ARB2A: variants seen among roughly 807,000 people sequenced by gnomAD.
ARB2A encodes cotranscriptional regulator ARB2A.
chr5:94,036,050 T>A, the ARB2A span, among the ~76,000 whole-genome samples: 1 of 152,172 alleles, frequency 6.6e-6, no homozygotes, highest in Non-Finnish European at 1.5e-5. Context: ...TAGTTAATTT[T>A]AACATTTCAC....
At chr5:94,073,968 A>G in the ARB2A span, among the ~76,000 whole-genome samples, 4 of 152,070 alleles carry the variant, frequency 2.6e-5, no homozygotes, top group African/African-American at 9.7e-5. Context: ...AATTACTCCC[A>G]TTTAATTTTT....
chr5:93,778,165 T>G, the ARB2A span, among the ~76,000 whole-genome samples: 173 of 152,336 alleles, frequency 1.1e-3, no homozygotes, highest in African/African-American at 3.5e-3. Flanking sequence ...TATTCTATAA[T>G]GTGCTCTCCT....
At chr5:93,863,429 A>ATATATATATT in the ARB2A span, 2 of 151,380 alleles carry the variant, frequency 1.3e-5, no homozygotes, top group Non-Finnish European at 2.9e-5. Context: ...AATTATCTAT[A>ATATATATATT]TATATATATT....
the ARB2A span, among the ~76,000 whole-genome samples, chr5:93,651,715 A>G: frequency 2.0e-5 from 3 of 152,220 alleles, no homozygotes; most frequent in African/African-American, 4.8e-5. Context: ...AATCTTAAAC[A>G]CAAAAGTTAT....
the ARB2A span, among the ~76,000 whole-genome samples, chr5:93,633,398 C>T: frequency 6.6e-6 from 1 of 152,270 alleles, no homozygotes; most frequent in South Asian, 2.1e-4. Flanking sequence ...TTCAAAATAT[C>T]CAATGGCTCC....
At chr5:93,650,140 T>C in the ARB2A span, among the ~76,000 whole-genome samples, 20 of 149,024 alleles carry the variant, frequency 1.3e-4, no homozygotes, top group African/African-American at 5.1e-4. Flanking sequence ...AAATAACAAC[T>C]TGGAACATAT....
At chr5:93,758,678 A>T in the ARB2A span, among the ~76,000 whole-genome samples, 1 of 152,186 alleles carries the variant, frequency 6.6e-6, no homozygotes, top group South Asian at 2.1e-4. Flanking sequence ...ATGGAAATTA[A>T]AAAATTCTTT....
chr5:93,865,745 G>T, the ARB2A span: 1 of 985,232 alleles, frequency 1.0e-6, no homozygotes, highest in South Asian at 4.7e-5. Flanking sequence ...TCTGCTTTGG[G>T]AAATAAAGGA....
the ARB2A span, among the ~76,000 whole-genome samples, chr5:93,812,027 G>A: frequency 5.3e-5 from 8 of 152,128 alleles, no homozygotes; most frequent in Non-Finnish European, 8.8e-5. Flanking sequence ...TCTTAACACA[G>A]TAATTGGATA....
chr5:93,945,966 A>G, the ARB2A span, among the ~76,000 whole-genome samples: 1 of 152,174 alleles, frequency 6.6e-6, no homozygotes, highest in African/African-American at 2.4e-5. Flanking sequence ...AAAACACTGG[A>G]AACTAGAAGA....
At chr5:93,930,889 A>G in the ARB2A span, among the ~76,000 whole-genome samples, 2 of 152,152 alleles carry the variant, frequency 1.3e-5, no homozygotes, top group Non-Finnish European at 2.9e-5. Context: ...TTACATAGGT[A>G]TATGTGTGCC....
the ARB2A span, among the ~76,000 whole-genome samples, chr5:93,901,663 T>C: frequency 6.6e-6 from 1 of 152,126 alleles, no homozygotes; most frequent in African/African-American, 2.4e-5. Context: ...TTTTGTTACT[T>C]GCTCAAGCAT....
At chr5:93,917,526 G>T in the ARB2A span, among the ~76,000 whole-genome samples, 2 of 151,982 alleles carry the variant, frequency 1.3e-5, no homozygotes, top group Non-Finnish European at 2.9e-5. Context: ...TGATTGTTAT[G>T]TATACTCTGT....
chr5:94,084,511 A>T, the ARB2A span, among the ~76,000 whole-genome samples: 2 of 152,042 alleles, frequency 1.3e-5, no homozygotes, highest in Non-Finnish European at 2.9e-5. Flanking sequence ...TTCTACTCAA[A>T]CCCCAAAATG....
chr5:93,917,676 G>A, the ARB2A span, among the ~76,000 whole-genome samples: 12 of 152,084 alleles, frequency 7.9e-5, no homozygotes, highest in Admixed American at 5.2e-4. Flanking sequence ...CCAGGAGTTC[G>A]AGACCAGCCT....
At chr5:93,845,899 G>T in the ARB2A span, among the ~76,000 whole-genome samples, 1 of 152,032 alleles carries the variant, frequency 6.6e-6, no homozygotes, top group Non-Finnish European at 1.5e-5. Flanking sequence ...AGCTGTAGAG[G>T]AAATGAGTAA....
the ARB2A span, among the ~76,000 whole-genome samples, chr5:94,104,950 T>C: frequency 0.019 from 2,851 of 151,204 alleles, 44 homozygotes; most frequent in Non-Finnish European, 0.029. Context: ...AAATTTAACA[T>C]GTGTTAAAAA....
the ARB2A span, among the ~76,000 whole-genome samples, chr5:94,018,712 T>C: frequency 2.9e-3 from 448 of 152,232 alleles, 2 homozygotes; most frequent in African/African-American, 0.011. Context: ...TTATTCTCTT[T>C]GTAGCAACTG....
the ARB2A span, among the ~76,000 whole-genome samples, chr5:93,726,814 G>T: frequency 1.3e-5 from 2 of 151,958 alleles, no homozygotes; most frequent in East Asian, 3.9e-4. Context: ...ATGTATTCAT[G>T]TTTGAATTCA....
Sources: allele counts gnomAD v4.1 joint callset (sites outside exome capture counted in the v4.1 genomes callset), GRCh38; gene constraint gnomAD v4.1.1; transcripts MANE v1.5; gene names NCBI Gene and HGNC (gene_info 2026-07-23, HGNC 2026-07-21).